PPP6R2: variants seen among roughly 807,000 people sequenced by gnomAD.
The protein encoded by PPP6R2 is protein phosphatase 6 regulatory subunit 2.
Under a neutral mutation model 100.2 loss-of-function variants are expected in PPP6R2, and 62 were observed. That is an observed-to-expected ratio of 0.62 (90% confidence interval 0.50 to 0.76). The LOEUF (loss-of-function observed/expected upper bound fraction) is 0.76. PPP6R2 is among the 30% of genes least tolerant of loss of function. The pLI is 0.00. For missense variants in PPP6R2, 1,142 were observed against 1,276.3 expected (o/e 0.89, Z 1.60); for synonymous variants, 525 against 514.7 (o/e 1.02, Z -0.27).
At chr22:50,366,735 G>C (rs935778353) in intron 1 of PPP6R2, among the ~76,000 whole-genome samples, 1 of 151,780 alleles carries the variant, frequency 6.6e-6, no homozygotes, top group Non-Finnish European at 1.5e-5. Context: ...TGTGAGCTCT[G>C]CCCTCTGGTG....
chr22:50,357,475 C>T (rs1055019510), intron 1 of PPP6R2, among the ~76,000 whole-genome samples: 1 of 150,944 alleles, frequency 6.6e-6, no homozygotes, highest in East Asian at 1.9e-4. Flanking sequence ...CCTTCCTTTC[C>T]CCTTTTCCTC....
intron 2 of PPP6R2, among the ~76,000 whole-genome samples, chr22:50,387,095 C>G (rs949595319): frequency 6.6e-6 from 1 of 152,172 alleles, no homozygotes; most frequent in Non-Finnish European, 1.5e-5. Context: ...GGGTCTTGCT[C>G]TATCACCGAG....
At chr22:50,361,185 C>G (rs2148336030) in intron 1 of PPP6R2, among the ~76,000 whole-genome samples, 1 of 152,284 alleles carries the variant, frequency 6.6e-6, no homozygotes, top group South Asian at 2.1e-4. Flanking sequence ...CACCCTCAAT[C>G]TTGGTCATTC....
At chr22:50,334,912 C>T in the PPP6R2 span, among the ~76,000 whole-genome samples, 3 of 152,078 alleles carry the variant, frequency 2.0e-5, no homozygotes, top group African/African-American at 7.2e-5. Flanking sequence ...ATCGCACCAA[C>T]TGCACTCCAG....
In PPP6R2 at chr22:50,436,416, G is replaced by A. The variant is rs777038618; in HGVS notation, c.1566G>A (p.Thr522=). 45 of 1,592,860 alleles carry A rather than the reference G, an allele frequency of 2.8e-5. No individual in the cohort carries two copies. Among genetic ancestry groups the A allele is most frequent in the Middle Eastern group, 1.7e-4 (1 of 5,804 alleles). Residue 522 remains threonine (T), a synonymous_variant, in exon 14 of 24, where the codon ACG becomes ACA. Coordinates refer to ENST00000612753, the MANE Select transcript of PPP6R2 (RefSeq NM_001242898.2). ...RGRWESFVEE[T]LTETNRRNTV... ...GCTGGGAGAGCTTCGTGGAGGAGACGCTGACGGAGACGAACCGCAGGAACA... is the reference window on the plus strand; with the variant it reads ...GCTGGGAGAGCTTCGTGGAGGAGACACTGACGGAGACGAACCGCAGGAACA...
chr22:50,368,984 A>G (rs1347521489), intron 1 of PPP6R2, among the ~76,000 whole-genome samples: 2 of 152,228 alleles, frequency 1.3e-5, no homozygotes, highest in Admixed American at 1.3e-4. Flanking sequence ...CACGCCTGTA[A>G]TCCCAGCACT....
In PPP6R2 at chr22:50,408,047, C is replaced by A. The variant is rs188841193; in HGVS notation, c.414+1172C>A. 2.0e-5 allele frequency among the ~76,000 whole-genome samples: 3 copies of A among 152,206 alleles called. No individual in the cohort carries two copies. The East Asian group carries it at 5.8e-4, about 29-fold the overall frequency. The stretch of plus-strand genomic sequence containing the variant: ...TACAGGCACATAACACCACACCTGG[C>A]TAGTTTTTAAAATATTTTTTGTAGA... On this transcript the variant is annotated intron_variant, in intron 4 of 23. Coordinates refer to ENST00000612753, the MANE Select transcript of PPP6R2 (RefSeq NM_001242898.2).
chr22:50,444,250 C>A lies in PPP6R2; in HGVS notation c.*3C>A. 6.2e-7 allele frequency: 1 copy of A among 1,612,758 alleles called. No homozygotes were observed. The highest frequency in any genetic ancestry group is 2.2e-5 in the East Asian group (1 of 44,880). On this transcript the variant is annotated 3_prime_UTR_variant, in exon 24 of 24. Coordinates refer to ENST00000612753, the MANE Select transcript of PPP6R2 (RefSeq NM_001242898.2). ...CTGCCTTAAATGGCCCAGTGTGATG[C>A]TGCTGCCGCCCGGCCACGGCCCACC...
chr22:50,356,354 A>G (rs1478327228), intron 1 of PPP6R2, among the ~76,000 whole-genome samples: 6 of 148,784 alleles, frequency 4.0e-5, no homozygotes, highest in Non-Finnish European at 8.9e-5. Context: ...CTCGGCTGGA[A>G]TGCAGTGGAA....
chr22:50,356,053 C>G (rs1414062099), intron 1 of PPP6R2, among the ~76,000 whole-genome samples: 1 of 151,302 alleles, frequency 6.6e-6, no homozygotes, highest in East Asian at 2.0e-4. Context: ...AGCTCCGCCT[C>G]CCAGGTTCAT....
chr22:50,393,559 A>C, intron 2 of PPP6R2: 9 of 962,450 alleles, frequency 9.4e-6, no homozygotes, highest in Non-Finnish European at 9.8e-6. Flanking sequence ...AGGAGGGCAA[A>C]GGAGGGGGTT....
intron 4 of PPP6R2, 78 bp from the exon 5 acceptor site, chr22:50,414,474 C>T (rs2060240655): frequency 8.6e-6 from 13 of 1,513,548 alleles, no homozygotes; most frequent in Non-Finnish European, 1.1e-5. Flanking sequence ...TTCAACTTTC[C>T]CATGAGAGTT....
Position 50,414,331 on chromosome 22 carries a change from GCCCCCCCCCCCCCC to G in PPP6R2, c.415-215_415-202del, listed in dbSNP as rs57634612. Among the ~76,000 whole-genome samples the G allele has an allele frequency of 5.3e-3, 141 of 26,800 alleles. 18 individuals carry two copies. The highest frequency in any genetic ancestry group is 0.011 in the African/African-American group (130 of 11,874). The allele number at this position is 26,800 out of a possible 152,430, so 17.6% of individuals were successfully genotyped here. On this transcript the variant is annotated intron_variant, in intron 4 of 23. Transcript: ENST00000612753. ...GAGCCACAGGGGTCCCTGTGCAGTG[GCCCCCCCCCCCCCC>G]CCCCCGCCCAGACCCTCACATACAC...
chr22:50,438,642 C>T lies in PPP6R2; in HGVS notation c.2008C>T (p.Pro670Ser). 6.2e-7 allele frequency: 1 copy of T among 1,614,014 alleles called. No homozygotes were observed. The highest frequency in any genetic ancestry group is 8.5e-7 in the Non-Finnish European group (1 of 1,179,978). ...HASESCSKNGPERGGQDGKAS... is the reference protein window; with the variant it reads ...HASESCSKNGSERGGQDGKAS... ...TTCAGAGAGTTGCTCAAAGAATGGC[C>T]CAGAGCGTGGAGGCCAGGATGGGAA... The change falls in exon 19 of 24, where the codon CCA (proline) becomes TCA (serine). Residue 670 changes from proline to serine, a missense_variant. Coordinates refer to ENST00000612753, the MANE Select transcript of PPP6R2 (RefSeq NM_001242898.2).
chr22:50,373,240 C>CTT (rs530254249), intron 2 of PPP6R2, among the ~76,000 whole-genome samples: 4,303 of 126,390 alleles, frequency 0.034, 155 homozygotes, highest in South Asian at 0.14. Context: ...TAATTTCTTT[C>CTT]TTTTTTTTTT....
the PPP6R2 span, among the ~76,000 whole-genome samples, chr22:50,337,488 TGTGTG>T: frequency 2.9e-5 from 4 of 137,768 alleles, no homozygotes; most frequent in South Asian, 4.9e-4. Flanking sequence ...TTGTCTGCGA[TGTGTG>T]GTGTGTGTGC....
At chr22:50,393,699 G>T in intron 2 of PPP6R2, 194 bp from the exon 3 acceptor site, 1 of 982,304 alleles carries the variant, frequency 1.0e-6, no homozygotes, top group Non-Finnish European at 1.2e-6. Context: ...GGTTACTGGG[G>T]AGGGCCCCCA....
intron 1 of PPP6R2, among the ~76,000 whole-genome samples, chr22:50,356,677 A>G (rs774992144): frequency 6.6e-5 from 10 of 152,056 alleles, no homozygotes; most frequent in Non-Finnish European, 1.0e-4. Flanking sequence ...TCACGCCTGT[A>G]ATATGCCAGC....
intron 1 of PPP6R2, among the ~76,000 whole-genome samples, chr22:50,349,363 C>CAAAAA (rs1225878624): frequency 5.3e-5 from 3 of 56,330 alleles, no homozygotes; most frequent in Non-Finnish European, 7.2e-5. Context: ...GACCCTGTCT[C>CAAAAA]AAAAAAAAAA....
Sources: gnomAD v4.1 joint callset for allele counts (sites outside exome capture counted in the v4.1 genomes callset) on GRCh38, gnomAD v4.1.1 for gene constraint, MANE v1.5 for transcripts, NCBI Gene and HGNC (gene_info 2026-07-23, HGNC 2026-07-21) for gene names.